The following AMER3 variants were observed in gnomAD, a reference collection of about 807,000 sequenced individuals.
AMER3 encodes the protein family with sequence similarity 123C.
For synonymous variants in AMER3, 541 were observed against 485.5 expected (o/e 1.11, Z -1.50); for missense variants, 1,201 against 1,139.4 (o/e 1.05, Z -0.78).
rs1349887796 is a variant in AMER3, at chr2:130,762,410, G to A, written c.338G>A (p.Gly113Asp). 6.2e-7 allele frequency: 1 copy of A among 1,612,326 alleles called. No homozygotes were observed. Among genetic ancestry groups the A allele is most frequent in the Non-Finnish European group, 8.5e-7 (1 of 1,179,852 alleles). ...ACGGCTGCCACAGGGCAGCTGGTGG[G>A]CAGTGCAAGCTTCCCGGGCTCCCCG... The part of the protein sequence containing the change: ...RATAATGQLV[G>D]SASFPGSPGS... Residue 113 changes from glycine to aspartate, a missense_variant, in exon 2 of 2, where the codon GGC (glycine) becomes GAC (aspartate). Physicochemically the swap from Gly to Asp is moderately conservative, Grantham distance 94. Transcript: ENST00000321420.
rs78281816 is a variant in AMER3 at position 130,762,672 on chromosome 2, C to T, written c.600C>T (p.Ala200=). The change falls in exon 2 of 2, where the codon GCC becomes GCT. Residue 200 remains alanine, a synonymous_variant. Transcript: ENST00000321420. ...ACCCTGGGGGGCGGCGAAGCAAAGCCTTCCTCCCCCCGGGTGAGGGGCCGG... is the reference window on the plus strand; with the variant it reads ...ACCCTGGGGGGCGGCGAAGCAAAGCTTTCCTCCCCCCGGGTGAGGGGCCGG... The part of the protein sequence containing the change: ...PSDPGGRRSK[A]FLPPGEGPGL... 1.3e-3 allele frequency: 2,094 copies of T among 1,611,260 alleles called. 23 individuals carry two copies. In the African/African-American group the frequency reaches 0.023, roughly 18 times the overall value.
chr2:130,764,569 C>G lies in AMER3; in HGVS notation c.2497C>G (p.Arg833Gly), dbSNP rs200579100. 5 of 1,604,642 alleles carry G rather than the reference C, an allele frequency of 3.1e-6. No individual in the cohort carries two copies. The highest frequency in any genetic ancestry group is 4.2e-6 in the Non-Finnish European group (5 of 1,176,496). Residue 833 changes from arginine (R) to glycine (G), a missense_variant, in exon 2 of 2, where the codon CGC becomes GGC. By Grantham distance (125) the Arg-to-Gly change is moderately radical. Coordinates refer to ENST00000321420, the MANE Select transcript of AMER3 (RefSeq NM_152698.3). ...GGTCTCTGCAAGTGCCCCAGAATGC[C>G]GCTGCAGCCTCCTGGCCCGTGAGGG... ...GGVSASAPEC[R>G]CSLLAREGLL...
chr2:130,767,980 G>A lies in AMER3; in HGVS notation c.*3322G>A, dbSNP rs1679030383. 1 of 167,082 alleles carries A rather than the reference G, an allele frequency of 6.0e-6. No individual in the cohort carries two copies. Among genetic ancestry groups the A allele is most frequent in the African/African-American group, 2.4e-5 (1 of 41,442 alleles). The allele number at this position is 167,082 out of a possible 1,614,324, so 10.3% of individuals were successfully genotyped here. On this transcript the variant is annotated 3_prime_UTR_variant, in exon 2 of 2. Transcript: ENST00000321420. ...TCCTGCTTTCAGGCTCCAGATGTCA[G>A]AGCACCCTTGGGTGCCAGCCACAAG...
chr2:130,762,949 G>C lies in AMER3; in HGVS notation c.877G>C (p.Glu293Gln). Residue 293 changes from glutamate (E) to glutamine (Q), a missense_variant, in exon 2 of 2, where the codon GAG (glutamate) becomes CAG (glutamine). Physicochemically the swap from Glu to Gln is conservative, Grantham distance 29 (BLOSUM62 2). Coordinates refer to ENST00000321420, the MANE Select transcript of AMER3 (RefSeq NM_152698.3). ...CAGGGGCCCTCTCCAGGGCAGTGTGGAGCAGCTGGCCTCGCCCGCCCAGAA... is the reference window on the plus strand; with the variant it reads ...CAGGGGCCCTCTCCAGGGCAGTGTGCAGCAGCTGGCCTCGCCCGCCCAGAA... ...VPRGPLQGSV[E>Q]QLASPAQNEA... The C allele has an allele frequency of 1.2e-6, 2 of 1,612,998 alleles. No homozygotes were observed. The highest frequency in any genetic ancestry group is 1.7e-6 in the Non-Finnish European group (2 of 1,179,842).
In AMER3 at chr2:130,762,748, G is replaced by C. The variant is rs756148572; in HGVS notation, c.676G>C (p.Ala226Pro). 4.3e-6 allele frequency: 7 copies of C among 1,611,740 alleles called. No individual in the cohort carries two copies. The highest frequency in any genetic ancestry group is 5.9e-6 in the Non-Finnish European group (7 of 1,179,094). ...DLLDSELLAD[A>P]SFGLCRALCE... ...GTTGGACAGCGAGCTCCTGGCCGAT[G>C]CATCCTTTGGTCTCTGCAGGGCCCT... Residue 226 changes from alanine (A) to proline (P), a missense_variant, in exon 2 of 2, where the codon GCA becomes CCA. Physicochemically the swap from Ala to Pro is conservative, Grantham distance 27. Coordinates refer to ENST00000321420, the MANE Select transcript of AMER3 (RefSeq NM_152698.3).
chr2:130,763,639 A>G lies in AMER3; in HGVS notation c.1567A>G (p.Thr523Ala). 2 of 1,390,008 alleles carry G rather than the reference A, an allele frequency of 1.4e-6. No homozygotes were observed. Among genetic ancestry groups the G allele is most frequent in the East Asian group, 6.3e-5 (2 of 31,648 alleles). The allele number at this position is 1,390,008 out of a possible 1,614,324, so 86.1% of individuals were successfully genotyped here. ...AGGCCCCACGCCCCGTGCCCCACCC[A>G]CCCCTGGGCAGCCTGCAGCTCCACC... Reference protein sequence around the residue: ...RRGPTPRAPPTPGQPAAPPGS... With the variant: ...RRGPTPRAPPAPGQPAAPPGS... The change falls in exon 2 of 2, where the codon ACC becomes GCC. Residue 523 changes from threonine to alanine, a missense_variant. Coordinates refer to ENST00000321420, the MANE Select transcript of AMER3 (RefSeq NM_152698.3).
intron 1 of AMER3, chr2:130,756,211 A>G (rs1181920170): frequency 6.8e-6 from 1 of 147,146 alleles, no homozygotes; most frequent in East Asian, 2.0e-4. Context: ...CGCCTGCCCG[A>G]CCCCGCGGGG....
Position 130,762,434 on chromosome 2 carries a change from C to T in AMER3, c.362C>T (p.Pro121Leu), listed in dbSNP as rs370615348. ...GGCAGTGCAAGCTTCCCGGGCTCCC[C>T]GGGCAGCCGGCGCATGATCGACTAC... Reference protein sequence around the residue: ...LVGSASFPGSPGSRRMIDYRH... With the variant: ...LVGSASFPGSLGSRRMIDYRH... The change falls in exon 2 of 2, where the codon CCG (proline) becomes CTG (leucine). Residue 121 changes from proline (P) to leucine (L), a missense_variant. By Grantham distance (98) the Pro-to-Leu change is moderately conservative. Coordinates refer to ENST00000321420, the MANE Select transcript of AMER3 (RefSeq NM_152698.3). 14 of 1,612,582 alleles carry T rather than the reference C, an allele frequency of 8.7e-6. No individual in the cohort carries two copies. The highest frequency in any genetic ancestry group is 4.4e-5 in the South Asian group (4 of 91,058).
rs761065050 is a variant in AMER3 at position 130,764,033 on chromosome 2, T to C, written c.1961T>C (p.Phe654Ser). ...GGGCCACCAGGGGTCCTGGGGTGTT[T>C]CCGAGGCCCCTGGAGGCCAGGTCAC... ...EPGPPGVLGCFRGPWRPGHGG... is the reference protein window; with the variant it reads ...EPGPPGVLGCSRGPWRPGHGG... The change falls in exon 2 of 2, where the codon TTC becomes TCC. Residue 654 changes from phenylalanine (F) to serine (S), a missense_variant. Coordinates refer to ENST00000321420, the MANE Select transcript of AMER3 (RefSeq NM_152698.3). 2 of 1,612,878 alleles carry C rather than the reference T, an allele frequency of 1.2e-6. No homozygotes were observed. The highest frequency in any genetic ancestry group is 3.3e-5 in the Admixed American group (2 of 59,832).
rs1679005490 is a variant in AMER3 at position 130,767,128 on chromosome 2, T to G, written c.*2470T>G. 1 of 166,920 alleles carries G rather than the reference T, an allele frequency of 6.0e-6. No individual in the cohort carries two copies. Among genetic ancestry groups the G allele is most frequent in the Non-Finnish European group, 1.5e-5 (1 of 68,136 alleles). The allele number at this position is 166,920 out of a possible 1,614,324, so 10.3% of individuals were successfully genotyped here. A position where few individuals can be genotyped will look rare whatever the true frequency, so the allele number is the denominator to read the frequency against. ...TGCAGCACCCCGACATTCAGAACCATGAAGGGAGAAGGTGGCTGGTGTCTG... is the reference window on the plus strand; with the variant it reads ...TGCAGCACCCCGACATTCAGAACCAGGAAGGGAGAAGGTGGCTGGTGTCTG... On this transcript the variant is annotated 3_prime_UTR_variant, in exon 2 of 2. Transcript: ENST00000321420.
rs1255046779 is a variant in AMER3, at chr2:130,766,879, A to G, written c.*2221A>G. ...GGCAGTGCTAGATTATTTGTCACGA[A>G]TCATCCCCTACAAACAATGATTTCC... On this transcript the variant is annotated 3_prime_UTR_variant, in exon 2 of 2. Transcript: ENST00000321420. 3 of 167,004 alleles carry G rather than the reference A, an allele frequency of 1.8e-5. No individual in the cohort carries two copies. Among genetic ancestry groups the G allele is most frequent in the African/African-American group, 7.2e-5 (3 of 41,424 alleles). The allele number at this position is 167,004 out of a possible 1,614,324, so 10.3% of individuals were successfully genotyped here.
chr2:130,762,537 G>A lies in AMER3; in HGVS notation c.465G>A (p.Arg155=). 1 of 1,613,492 alleles carries A rather than the reference G, an allele frequency of 6.2e-7. No individual in the cohort carries two copies. Among genetic ancestry groups the A allele is most frequent in the Non-Finnish European group, 8.5e-7 (1 of 1,180,006 alleles). ...CGAGGAAGAGGATTTCCCTGAAGAGGCCCAAGAAGTGCTTTCGGAACCTAT... is the reference window on the plus strand; with the variant it reads ...CGAGGAAGAGGATTTCCCTGAAGAGACCCAAGAAGTGCTTTCGGAACCTAT... The part of the protein sequence containing the change: ...SIPRKRISLK[R]PKKCFRNLFH... Residue 155 remains arginine (R), a synonymous_variant, in exon 2 of 2, where the codon AGG becomes AGA. Coordinates refer to ENST00000321420, the MANE Select transcript of AMER3 (RefSeq NM_152698.3).
chr2:130,763,573 G>A lies in AMER3; in HGVS notation c.1501G>A (p.Glu501Lys). ...GTGCCTGCTGAAGCTGTGTGACACT[G>A]AGCTCGCCATCACCATGGGCATCGT... Reference protein sequence around the residue: ...KECLLKLCDTELAITMGIVSW... With the variant: ...KECLLKLCDTKLAITMGIVSW... Residue 501 changes from glutamate (E) to lysine (K), a missense_variant, in exon 2 of 2, where the codon GAG (glutamate) becomes AAG (lysine). Coordinates refer to ENST00000321420, the MANE Select transcript of AMER3 (RefSeq NM_152698.3). The A allele has an allele frequency of 6.2e-7, 1 of 1,611,584 alleles. No homozygotes were observed. The highest frequency in any genetic ancestry group is 8.5e-7 in the Non-Finnish European group (1 of 1,179,626).
chr2:130,761,519 TAG>T (rs1410611487), intron 1 of AMER3, among the ~76,000 whole-genome samples: 8 of 152,318 alleles, frequency 5.3e-5, no homozygotes, highest in Admixed American at 3.3e-4. Flanking sequence ...CATCTGTAGA[TAG>T]AGTCTTGCCT....
At chr2:130,756,483 A>T (rs1183392277) in intron 1 of AMER3, 1 of 152,674 alleles carries the variant, frequency 6.5e-6, no homozygotes, top group Admixed American at 6.5e-5. Context: ...CTCTGGCGCG[A>T]TGGACGGGCT....
chr2:130,762,966 C>T lies in AMER3; in HGVS notation c.894C>T (p.Pro298=), dbSNP rs140458255. Residue 298 remains proline, a synonymous_variant, in exon 2 of 2, where the codon CCC becomes CCT. Transcript: ENST00000321420. The part of the protein sequence containing the change: ...LQGSVEQLAS[P]AQNEASDFTR... ...GCAGTGTGGAGCAGCTGGCCTCGCCCGCCCAGAATGAAGCCTCTGACTTCA... is the reference window on the plus strand; with the variant it reads ...GCAGTGTGGAGCAGCTGGCCTCGCCTGCCCAGAATGAAGCCTCTGACTTCA... 9.9e-6 allele frequency: 16 copies of T among 1,613,036 alleles called. No individual in the cohort carries two copies. The highest frequency in any genetic ancestry group is 3.3e-4 in the Middle Eastern group (2 of 6,082).
Position 130,765,489 on chromosome 2 carries a change from G to A in AMER3, c.*831G>A, listed in dbSNP as rs149688965. On this transcript the variant is annotated 3_prime_UTR_variant, in exon 2 of 2. Transcript: ENST00000321420. ...CCACACACACAGTTGCCCAAAGAGC[G>A]GAGATGGCAAGAACTTTCATCTCTC... 3.9e-4 allele frequency: 65 copies of A among 167,068 alleles called. No homozygotes were observed. In the South Asian group the frequency reaches 4.8e-3, roughly 12 times the overall value. The allele number at this position is 167,068 out of a possible 1,614,324, so 10.3% of individuals were successfully genotyped here.
In AMER3 at chr2:130,763,261, G is replaced by A; in HGVS notation, c.1189G>A (p.Glu397Lys). Residue 397 changes from glutamate to lysine, a missense_variant, in exon 2 of 2, where the codon GAG becomes AAG. Glu to Lys is a moderately conservative substitution (Grantham distance 56). Coordinates refer to ENST00000321420, the MANE Select transcript of AMER3 (RefSeq NM_152698.3). The part of the protein sequence containing the change: ...YYDSFSPGLE[E>K]DKKEAESPGT... The stretch of plus-strand genomic sequence containing the variant: ...TGATTCCTTCTCGCCAGGACTTGAG[G>A]AGGACAAGAAGGAAGCTGAGAGCCC... 1 of 1,613,880 alleles carries A rather than the reference G, an allele frequency of 6.2e-7. No individual in the cohort carries two copies.
chr2:130,763,811 G>T lies in AMER3; in HGVS notation c.1739G>T (p.Gly580Val). The T allele has an allele frequency of 1.2e-6, 2 of 1,612,384 alleles. No homozygotes were observed. Among genetic ancestry groups the T allele is most frequent in the South Asian group, 1.1e-5 (1 of 91,042 alleles). The part of the protein sequence containing the change: ...AHPGTTGLLA[G>V]ESKALGGATQ... Reference sequence around the variant, plus strand: ...CCGGGCACCACAGGCCTGCTCGCCGGAGAGAGCAAGGCCCTCGGAGGGGCC... The same window carrying T: ...CCGGGCACCACAGGCCTGCTCGCCGTAGAGAGCAAGGCCCTCGGAGGGGCC... Residue 580 changes from glycine (G) to valine (V), a missense_variant, in exon 2 of 2, where the codon GGA becomes GTA. Gly to Val is a moderately radical substitution (Grantham distance 109). Coordinates refer to ENST00000321420, the MANE Select transcript of AMER3 (RefSeq NM_152698.3).
Sources: gnomAD v4.1 joint callset for allele counts (sites outside exome capture counted in the v4.1 genomes callset) on GRCh38, gnomAD v4.1.1 for gene constraint, MANE v1.5 for transcripts, NCBI Gene and HGNC (gene_info 2026-07-23, HGNC 2026-07-21) for gene names.